The following NLRP14 variants were observed in gnomAD, a reference collection of about 807,000 sequenced individuals.
The protein encoded by NLRP14 is NACHT, LRR and PYD domains-containing protein 14.
Under a neutral mutation model 94.7 loss-of-function variants are expected in NLRP14, and 105 were observed. The observed-to-expected ratio is 1.11, with a 90% CI of 0.95 to 1.30. The LOEUF is 1.30. Ranked by LOEUF, NLRP14 falls within the 50% of genes most tolerant of loss-of-function variation. The pLI, the probability that NLRP14 is intolerant of heterozygous loss-of-function variation, is 0.00. For missense variants in NLRP14, 1,362 were observed against 1,254.1 expected, an observed-to-expected ratio of 1.09 and a Z score of -1.30; for synonymous variants, 508 against 459.9, an observed-to-expected ratio of 1.10 and a Z score of -1.34.
chr11:7,052,667 C>G (rs1290249689), intron 6 of NLRP14, among the ~76,000 whole-genome samples: 1 of 152,100 alleles, frequency 6.6e-6, no homozygotes, highest in Non-Finnish European at 1.5e-5. Context: ...CTAAGAGGAA[C>G]TTGCCTGAGA....
At chr11:7,089,661 G>T in the NLRP14 span, 11 of 1,448,754 alleles carry the variant, frequency 7.6e-6, no homozygotes, top group Non-Finnish European at 8.2e-6. Context: ...GCGCGGGAGG[G>T]CCCTGGCCGT....
intron 1 of NLRP14, 128 bp from the exon 2 acceptor site, chr11:7,038,438 G>T (rs1164325727): frequency 1.3e-6 from 1 of 741,862 alleles, no homozygotes; most frequent in Non-Finnish European, 2.3e-6. Context: ...TCAGTACCGA[G>T]CCTAATACAG....
At chr11:7,090,143 C>A in the NLRP14 span, 5 of 1,613,548 alleles carry the variant, frequency 3.1e-6, no homozygotes, top group East Asian at 8.9e-5. Context: ...GGGGCCGACA[C>A]CGGGTGGGCA....
chr11:7,052,235 A>G (rs768582907), intron 6 of NLRP14, among the ~76,000 whole-genome samples: 14 of 152,214 alleles, frequency 9.2e-5, no homozygotes, highest in South Asian at 2.1e-4. Context: ...TCCACAAAAC[A>G]GCCACCTGAA....
the NLRP14 span, among the ~76,000 whole-genome samples, chr11:7,078,255 G>A: frequency 6.6e-6 from 1 of 151,020 alleles, no homozygotes; most frequent in African/African-American, 2.4e-5. Context: ...TGGCTAACAT[G>A]GCAAAACCCC....
chr11:7,057,383 T>C (rs1272008211), intron 6 of NLRP14, among the ~76,000 whole-genome samples: 1 of 151,990 alleles, frequency 6.6e-6, no homozygotes, highest in African/African-American at 2.4e-5. Flanking sequence ...TTAGCGGAAA[T>C]TCCTCCCAGA....
chr11:7,079,028 T>C, the NLRP14 span, among the ~76,000 whole-genome samples: 3 of 152,204 alleles, frequency 2.0e-5, no homozygotes, highest in East Asian at 1.9e-4. Context: ...AAGAGTCTCA[T>C]ATAATTGTCT....
the NLRP14 span, among the ~76,000 whole-genome samples, chr11:7,085,545 A>G: frequency 6.6e-6 from 1 of 152,326 alleles, no homozygotes; most frequent in African/African-American, 2.4e-5. Flanking sequence ...ATGTTGTAGT[A>G]TATGTCAGAA....
At chr11:7,082,872 T>G in the NLRP14 span, among the ~76,000 whole-genome samples, 1 of 152,202 alleles carries the variant, frequency 6.6e-6, no homozygotes, top group African/African-American at 2.4e-5. Context: ...GTGTTCACGG[T>G]CAATCCCAGT....
the NLRP14 span, among the ~76,000 whole-genome samples, chr11:7,083,513 AG>A: frequency 4.6e-4 from 70 of 152,288 alleles, no homozygotes; most frequent in African/African-American, 1.6e-3. Flanking sequence ...ATTCCCATCA[AG>A]ACCCTCTCAT....
chr11:7,083,787 C>G, the NLRP14 span, among the ~76,000 whole-genome samples: 1 of 152,188 alleles, frequency 6.6e-6, no homozygotes, highest in Non-Finnish European at 1.5e-5. Context: ...CAATTGCAGT[C>G]ACCTGCTGAA....
chr11:7,088,926 C>G, the NLRP14 span: 1 of 640,380 alleles, frequency 1.6e-6, no homozygotes, highest in Non-Finnish European at 2.7e-6. Flanking sequence ...GCGAATTGGC[C>G]CTCTGGAAAC....
rs150458659 is a variant in NLRP14 at position 7,038,594 on chromosome 11, A to G, written c.8A>G (p.Asp3Gly). 1,642 of 1,613,648 alleles carry G rather than the reference A, an allele frequency of 1.0e-3. 10 individuals are homozygous for G. The African/African-American group carries it at 0.019, about 19-fold the overall frequency. ...CCTGAATATTTGGACAAGATGGCAG[A>G]TTCATCATCATCTTCTTTCTTTCCT... MA[D>G]SSSSSFFPDF... The change falls in exon 2 of 12, where the codon GAT (aspartate) becomes GGT (glycine). Residue 3 changes from aspartate (D) to glycine (G), a missense_variant. Asp to Gly is a moderately conservative substitution (Grantham distance 94). Transcript: ENST00000299481.
rs1261819415 is a variant in NLRP14, at chr11:7,043,896, C to A, written c.1870C>A (p.His624Asn). 1 of 1,614,112 alleles carries A rather than the reference C, an allele frequency of 6.2e-7. No homozygotes were observed. The highest frequency in any genetic ancestry group is 2.2e-5 in the East Asian group (1 of 44,878). The change falls in exon 4 of 12, where the codon CAC (histidine) becomes AAC (asparagine). Residue 624 changes from histidine to asparagine, a missense_variant. Physicochemically the swap from His to Asn is moderately conservative, Grantham distance 68. Transcript: ENST00000299481. ...GCTTGTATCTTCTTTCTGCCTTAAG[C>A]ACTGCCGGTGTTTGCGGACCATCAG... Reference protein sequence around the residue: ...HLLVSSFCLKHCRCLRTIRLS... With the variant: ...HLLVSSFCLKNCRCLRTIRLS...
the NLRP14 span, among the ~76,000 whole-genome samples, chr11:7,084,656 T>C: frequency 1.3e-5 from 2 of 152,226 alleles, no homozygotes; most frequent in Non-Finnish European, 2.9e-5. Context: ...TCCAGACCCT[T>C]CCAGACCTTG....
chr11:7,027,800 C>T (rs979996041), intron 1 of NLRP14, among the ~76,000 whole-genome samples: 1 of 152,126 alleles, frequency 6.6e-6, no homozygotes, highest in African/African-American at 2.4e-5. Context: ...TTTTCAGTCT[C>T]ATCTCGTTCT....
At chr11:7,082,955 A>T in the NLRP14 span, among the ~76,000 whole-genome samples, 1 of 152,220 alleles carries the variant, frequency 6.6e-6, no homozygotes, top group African/African-American at 2.4e-5. Context: ...TTTAGAATAG[A>T]GCTATACTTT....
intron 1 of NLRP14, among the ~76,000 whole-genome samples, chr11:7,035,843 C>T (rs1284071008): frequency 6.6e-6 from 1 of 152,136 alleles, no homozygotes; most frequent in African/African-American, 2.4e-5. Context: ...AGAGCATGGC[C>T]ACACAGATTT....
rs767763997 is a variant in NLRP14 at position 7,046,722 on chromosome 11, A to G, written c.2013A>G (p.Thr671=). Reference sequence around the variant, plus strand: ...AAGATCTCTGTTCTGTGCTTCATACAAATGAACACTTGAGAGAATTGGACC... The same window carrying G: ...AAGATCTCTGTTCTGTGCTTCATACGAATGAACACTTGAGAGAATTGGACC... ...CWQDLCSVLH[T]NEHLRELDLY... Residue 671 remains threonine (T), a synonymous_variant, in exon 5 of 12, where the codon ACA becomes ACG. Coordinates refer to ENST00000299481, the MANE Select transcript of NLRP14 (RefSeq NM_176822.4). 3.1e-6 allele frequency: 5 copies of G among 1,613,382 alleles called. No individual in the cohort carries two copies. In the South Asian group the frequency reaches 5.5e-5, roughly 18 times the overall value.
Sources: gnomAD v4.1 joint callset for allele counts (sites outside exome capture counted in the v4.1 genomes callset) on GRCh38, gnomAD v4.1.1 for gene constraint, MANE v1.5 for transcripts, NCBI Gene and HGNC (gene_info 2026-07-23, HGNC 2026-07-21) for gene names.